Variants in MST1R observed in about 807,000 individuals in gnomAD.
MST1R encodes macrophage stimulating 1 receptor.
In MST1R, 99 loss-of-function variants were observed where a neutral mutation model predicts 117.8. The ratio of observed to expected loss-of-function variants is 0.84; its 90% confidence interval spans 0.71 to 0.99. The LOEUF (loss-of-function observed/expected upper bound fraction) is 0.99, where lower values mean the gene tolerates loss of function less well. Among genes scored for constraint, MST1R ranks in the 50% least tolerant of loss-of-function variants. The pLI, the probability that MST1R is intolerant of heterozygous loss-of-function variation, is 0.00. For synonymous variants in MST1R, 734 were observed against 765.3 expected, an observed-to-expected ratio of 0.96 and a Z score of 0.68; for missense variants, 1,683 against 1,840.2, an observed-to-expected ratio of 0.91 and a Z score of 1.56.
At chr3:49,890,943 G>T (rs1321875611) in intron 17 of MST1R, among the ~76,000 whole-genome samples, 1 of 152,148 alleles carries the variant, frequency 6.6e-6, no homozygotes, top group Non-Finnish European at 1.5e-5. Context: ...AGCCAGGATG[G>T]TCTCGATCTC....
At chr3:49,891,872 G>C (rs192436883) in intron 14 of MST1R, 34 bp from the exon 15 acceptor site, 34 of 1,597,314 alleles carry the variant, frequency 2.1e-5, no homozygotes, top group Non-Finnish European at 2.9e-5. Flanking sequence ...CGATGAGAGG[G>C]GATCCAGGGC....
chr3:49,903,163 C>T lies in MST1R; in HGVS notation c.447G>A (p.Glu149=), dbSNP rs534997697. The T allele has an allele frequency of 1.9e-6, 3 of 1,604,818 alleles. No individual in the cohort carries two copies. Among genetic ancestry groups the T allele is most frequent in the South Asian group, 2.2e-5 (2 of 91,084 alleles). ...CCAGATGCACGGCTGTCCCTTGGGG[C>T]TCTAGGTCATGCAGGAAGCAGCGGC... ...LQGRCFLHDL[E]PQGTAVHLAA... is the part of the protein sequence containing the mutation. Residue 149 remains glutamate (E), a synonymous_variant, in exon 1 of 20, where the codon GAG becomes GAA. Coordinates refer to ENST00000296474, the MANE Select transcript of MST1R (RefSeq NM_002447.4).
Position 49,898,643 on chromosome 3 carries a change from T to C in MST1R, c.1594A>G (p.Thr532Ala), listed in dbSNP as rs769437806. Residue 532 changes from threonine (T) to alanine (A), a missense_variant, in exon 4 of 20, where the codon ACC (threonine) becomes GCC (alanine). Physicochemically the swap from Thr to Ala is moderately conservative, Grantham distance 58. Coordinates refer to ENST00000296474, the MANE Select transcript of MST1R (RefSeq NM_002447.4). ...CATGCCCTTAGGCAACGCCCACAGG[T>C]CAGGAAGTGGCGGCAGCCAGGGCCT... ...IQGPGCRHFL[T>A]CGRCLRAWHF... is the part of the protein sequence containing the mutation. 17 of 1,613,994 alleles carry C rather than the reference T, an allele frequency of 1.1e-5. No individual in the cohort carries two copies. Among genetic ancestry groups the C allele is most frequent in the Middle Eastern group, 1.6e-4 (1 of 6,084 alleles).
At chr3:49,900,201 G>A (rs1309065861) in intron 1 of MST1R, among the ~76,000 whole-genome samples, 3 of 152,170 alleles carry the variant, frequency 2.0e-5, no homozygotes, top group Non-Finnish European at 4.4e-5. Flanking sequence ...GTACAAAAGG[G>A]ATAAACCAAA....
At position 49,898,671 on chromosome 3, in the gene MST1R, G is replaced by A; in HGVS notation, c.1566C>T (p.Ile522=). ...GGAAGTGGCGGCAGCCAGGGCCTTG[G>A]ATAGGTACCTGGAAAACCTGTGGGT... ...ASGDQVFQVP[I]QGPGCRHFLT... is the part of the protein sequence containing the mutation. Residue 522 remains isoleucine (I), a synonymous_variant, in exon 4 of 20, where the codon ATC becomes ATT. Coordinates refer to ENST00000296474, the MANE Select transcript of MST1R (RefSeq NM_002447.4). 1 of 1,614,088 alleles carries A rather than the reference G, an allele frequency of 6.2e-7. No individual in the cohort carries two copies. Among genetic ancestry groups the A allele is most frequent in the Non-Finnish European group, 8.5e-7 (1 of 1,180,022 alleles).
At chr3:49,894,246 A>C (rs1186123970) in intron 14 of MST1R, among the ~76,000 whole-genome samples, 1 of 149,270 alleles carries the variant, frequency 6.7e-6, no homozygotes, top group Non-Finnish European at 1.5e-5. Flanking sequence ...AATAGAATAA[A>C]AATAAAAATA....
At position 49,890,369 on chromosome 3, in the gene MST1R, T is replaced by C. The variant is rs2082276395; in HGVS notation, c.3810+116A>G. The C allele has an allele frequency of 1.1e-5, 12 of 1,139,208 alleles. No homozygotes were observed. The South Asian group carries it at 1.8e-4, about 17-fold the overall frequency. 70.6% of individuals were successfully genotyped at this position (1,139,208 alleles called of 1,614,324 possible). A position where few individuals can be genotyped will look rare whatever the true frequency, so the allele number is the denominator to read the frequency against. ...GCCCAAGAGGTGAGCAGATGGGCTG[T>C]GGGGGTCATCTACCCTGGGGACTCC... On this transcript the variant is annotated intron_variant, in intron 18 of 19. Coordinates refer to ENST00000296474, the MANE Select transcript of MST1R (RefSeq NM_002447.4).
chr3:49,889,452 C>T (rs1188786896), intron 19 of MST1R, among the ~76,000 whole-genome samples: 1 of 152,180 alleles, frequency 6.6e-6, no homozygotes, highest in African/African-American at 2.4e-5. Flanking sequence ...TGAAGCTGAA[C>T]CTCAGCACCG....
Position 49,895,960 on chromosome 3 carries a change from C to T in MST1R, c.2796+1G>A, listed in dbSNP as rs2108439655. 1.3e-6 allele frequency: 2 copies of T among 1,567,550 alleles called. No individual in the cohort carries two copies. Among genetic ancestry groups the T allele is most frequent in the Non-Finnish European group, 1.7e-6 (2 of 1,155,684 alleles). On this transcript the variant is annotated splice_donor_variant, in intron 11 of 19. Transcript: ENST00000296474. LOFTEE classifies it high-confidence loss of function. Reference sequence around the variant, plus strand: ...CAGGGAGGTCCAGCTGGGCTGCCTACCTGCAATGGGGCACCATCCTGGCCA... The same window carrying T: ...CAGGGAGGTCCAGCTGGGCTGCCTATCTGCAATGGGGCACCATCCTGGCCA...
At chr3:49,887,652 C>T in intron 19 of MST1R, 90 bp from the exon 20 acceptor site, 1 of 1,449,778 alleles carries the variant, frequency 6.9e-7, no homozygotes, top group Non-Finnish European at 9.5e-7. Context: ...GCAGGCCACA[C>T]AGGGATGAGG....
chr3:49,903,520 C>T lies in MST1R; in HGVS notation c.90G>A (p.Pro30=), dbSNP rs746574431. ...CGCGAGAGGCCGCGTAGGGGGTGCG[C>T]GGGCACTGCCAGTCCTCGCCCGCCG... is the stretch of plus-strand genomic sequence containing the variant. ...KPAAGEDWQC[P]RTPYAASRDF... The change falls in exon 1 of 20, where the codon CCG becomes CCA. Residue 30 remains proline (P), a synonymous_variant. Transcript: ENST00000296474. 5 of 1,606,976 alleles carry T rather than the reference C, an allele frequency of 3.1e-6. No individual in the cohort carries two copies. The East Asian group carries it at 6.7e-5, about 21-fold the overall frequency.
chr3:49,903,130 T>A lies in MST1R; in HGVS notation c.480A>T (p.Pro160=), dbSNP rs2108510448. The change falls in exon 1 of 20, where the codon CCA becomes CCT. Residue 160 remains proline, a synonymous_variant. Coordinates refer to ENST00000296474, the MANE Select transcript of MST1R (RefSeq NM_002447.4). ...PQGTAVHLAA[P]ACLFSAHHNR... is the part of the protein sequence containing the mutation. ...TATGGTGGGCTGAGAAGAGGCAGGC[T>A]GGCGCTGCCAGATGCACGGCTGTCC... 6 of 1,604,236 alleles carry A rather than the reference T, an allele frequency of 3.7e-6. No individual in the cohort carries two copies. Among genetic ancestry groups the A allele is most frequent in the East Asian group, 4.5e-5 (2 of 44,886 alleles).
In MST1R at chr3:49,903,241, C is replaced by G. The variant is rs770648955; in HGVS notation, c.369G>C (p.Leu123=). 3 of 1,608,596 alleles carry G rather than the reference C, an allele frequency of 1.9e-6. No homozygotes were observed. The highest frequency in any genetic ancestry group is 2.5e-6 in the Non-Finnish European group (3 of 1,179,966). The change falls in exon 1 of 20, where the codon CTG becomes CTC. Residue 123 remains leucine, a synonymous_variant. Coordinates refer to ENST00000296474, the MANE Select transcript of MST1R (RefSeq NM_002447.4). ...GCGCAGGCAGCGCGGGATCCAGCAC[C>G]AGCACCTTTGTGTCTGTGTCACCGG... ...GPPGDTDTKV[L]VLDPALPALV... is the part of the protein sequence containing the mutation.
chr3:49,890,891 A>G (rs1056159611), intron 17 of MST1R, among the ~76,000 whole-genome samples: 2 of 152,026 alleles, frequency 1.3e-5, no homozygotes, highest in African/African-American at 4.8e-5. Context: ...ACGCCTGGCT[A>G]ATCTTTTTGT....
rs577261914 is a variant in MST1R at position 49,887,909 on chromosome 3, T to G, written c.3948-347A>C. 9.2e-5 allele frequency among the ~76,000 whole-genome samples: 14 copies of G among 152,362 alleles called. 1 individual carries two copies. The East Asian group carries it at 2.5e-3, about 27-fold the overall frequency. On this transcript the variant is annotated intron_variant, in intron 19 of 19. Transcript: ENST00000296474. ...GGCATATAGGCTGATGCCTGTGAAG[T>G]GCTAGGCACAAGGCCCAGCTCACGA...
intron 19 of MST1R, among the ~76,000 whole-genome samples, chr3:49,888,007 G>C (rs986356591): frequency 3.3e-5 from 5 of 152,228 alleles, no homozygotes; most frequent in African/African-American, 4.8e-5. Context: ...TAAAAATCCT[G>C]AAGTGGCCGG....
Position 49,903,467 on chromosome 3 carries a change from C to T in MST1R, c.143G>A (p.Ser48Asn), listed in dbSNP as rs2108514866. ...CTGTACCAGGCCTCCGGCGGAGAAG[C>T]TGGGCACCACGTACTTCACGTCAAA... is the stretch of plus-strand genomic sequence containing the variant. The part of the protein sequence containing the change: ...RDFDVKYVVP[S>N]FSAGGLVQAM... Residue 48 changes from serine (S) to asparagine (N), a missense_variant, in exon 1 of 20, where the codon AGC becomes AAC. Transcript: ENST00000296474. 6.2e-7 allele frequency: 1 copy of T among 1,613,164 alleles called. No individual in the cohort carries two copies. Among genetic ancestry groups the T allele is most frequent in the Admixed American group, 1.7e-5 (1 of 60,038 alleles).
intron 1 of MST1R, among the ~76,000 whole-genome samples, chr3:49,899,903 G>C (rs2082616389): frequency 2.0e-5 from 3 of 152,046 alleles, no homozygotes; most frequent in African/African-American, 7.2e-5. Flanking sequence ...GAGGAAACAG[G>C]CTCAAGAGGT....
intron 3 of MST1R, 79 bp from the exon 4 acceptor site, chr3:49,898,767 G>C: frequency 6.2e-7 from 1 of 1,605,036 alleles, no homozygotes; most frequent in Non-Finnish European, 8.5e-7. Flanking sequence ...TACACAGTAG[G>C]CTAGGGTGGT....
Sources: allele counts gnomAD v4.1 joint callset (sites outside exome capture counted in the v4.1 genomes callset), GRCh38; gene constraint gnomAD v4.1.1; transcripts MANE v1.5; gene names NCBI Gene and HGNC (gene_info 2026-07-23, HGNC 2026-07-21).